The following FILIP1 variants were observed in gnomAD, a reference collection of about 807,000 sequenced individuals.
FILIP1 encodes filamin-A-interacting protein 1.
FILIP1 carries 61 observed loss-of-function variants against 102.1 expected under a neutral mutation model. The observed-to-expected ratio is 0.60, with a 90% CI of 0.49 to 0.74. The LOEUF (loss-of-function observed/expected upper bound fraction) is 0.74. FILIP1 is among the 30% of genes least tolerant of loss of function. FILIP1 has a pLI of 0.00. For synonymous variants in FILIP1, 491 were observed against 526.9 expected (o/e 0.93, Z 0.93); for missense variants, 1,314 against 1,441.2 (o/e 0.91, Z 1.43).
In FILIP1 at chr6:75,414,562, G is replaced by C; in HGVS notation, c.276+135C>G. 1.4e-5 allele frequency: 12 copies of C among 849,302 alleles called. No individual in the cohort carries two copies. The South Asian group carries it at 2.0e-4, about 14-fold the overall frequency. The allele number at this position is 849,302 out of a possible 1,614,324, so 52.6% of individuals were successfully genotyped here. ...TAGTGCAAACTTGTGCCAGGCACTA[G>C]GGATTTAGAAATAAGGGAAACATTC... On this transcript the variant is annotated intron_variant, in intron 2 of 5. Coordinates refer to ENST00000237172, the MANE Select transcript of FILIP1 (RefSeq NM_015687.5).
At chr6:75,433,777 G>A (rs1172144229) in intron 1 of FILIP1, among the ~76,000 whole-genome samples, 1 of 152,182 alleles carries the variant, frequency 6.6e-6, no homozygotes, top group Non-Finnish European at 1.5e-5. Flanking sequence ...CCTATGTCCT[G>A]AATGGTATTG....
At chr6:75,326,057 C>G (rs1169261247) in intron 4 of FILIP1, among the ~76,000 whole-genome samples, 1 of 150,358 alleles carries the variant, frequency 6.7e-6, no homozygotes, top group Non-Finnish European at 1.5e-5. Context: ...AGATAATAGA[C>G]AGATGATAGA....
chr6:75,361,241 T>A (rs1474097944), intron 3 of FILIP1, among the ~76,000 whole-genome samples: 2 of 152,190 alleles, frequency 1.3e-5, no homozygotes, highest in African/African-American at 4.8e-5. Flanking sequence ...AGGTCAGGCC[T>A]ACTTTCTAAA....
chr6:75,439,208 T>C (rs1778121935), intron 1 of FILIP1, among the ~76,000 whole-genome samples: 1 of 152,024 alleles, frequency 6.6e-6, no homozygotes, highest in Admixed American at 6.5e-5. Flanking sequence ...CTACTAAAAA[T>C]ACAAAAAATT....
At chr6:75,404,720 C>T (rs1036024160) in intron 2 of FILIP1, among the ~76,000 whole-genome samples, 1 of 152,112 alleles carries the variant, frequency 6.6e-6, no homozygotes, top group African/African-American at 2.4e-5. Flanking sequence ...ACCTCAACTG[C>T]CCGCCCCTCA....
chr6:75,357,021 A>G (rs944885285), intron 3 of FILIP1, among the ~76,000 whole-genome samples: 1 of 152,144 alleles, frequency 6.6e-6, no homozygotes, highest in Admixed American at 6.5e-5. Flanking sequence ...TTTGGAAACT[A>G]TTTGAAGATC....
intron 6 of FILIP1, among the ~76,000 whole-genome samples, chr6:75,296,187 TA>T (rs1772662526): frequency 6.6e-6 from 1 of 152,094 alleles, no homozygotes; most frequent in Non-Finnish European, 1.5e-5. Flanking sequence ...CTGACAATAG[TA>T]GATCAGTTTT....
chr6:75,351,128 GCGATCTTGGCT>G (rs1774786826), intron 4 of FILIP1, among the ~76,000 whole-genome samples: 2 of 151,982 alleles, frequency 1.3e-5, no homozygotes, highest in African/African-American at 4.8e-5. Flanking sequence ...GTGCAATGAC[GCGATCTTGGCT>G]CACTGCAACC....
At chr6:75,353,754 A>C in intron 3 of FILIP1, 37 bp from the exon 4 acceptor site, 1 of 1,599,802 alleles carries the variant, frequency 6.3e-7, no homozygotes, top group Non-Finnish European at 8.5e-7. Context: ...TTAATATTTT[A>C]TTGCATTTGC....
At chr6:75,375,566 C>T (rs1173725200) in intron 2 of FILIP1, among the ~76,000 whole-genome samples, 5 of 152,206 alleles carry the variant, frequency 3.3e-5, no homozygotes, top group African/African-American at 1.2e-4. Flanking sequence ...TTGGCATTCT[C>T]ACCAAGCGGG....
At chr6:75,296,020 T>TAA in intron 6 of FILIP1, 1 of 1,068,494 alleles carries the variant, frequency 9.4e-7, no homozygotes, top group Non-Finnish European at 1.3e-6. Context: ...ATCATTTCAC[T>TAA]AAAAGATCAT....
intron 3 of FILIP1, among the ~76,000 whole-genome samples, chr6:75,354,570 CAAAAA>C: frequency 1.0e-5 from 1 of 97,578 alleles, no homozygotes; most frequent in Non-Finnish European, 2.1e-5. Flanking sequence ...GACTCCATCT[CAAAAA>C]AAAAAAAAAA....
At chr6:75,403,782 A>G (rs190446044) in intron 2 of FILIP1, among the ~76,000 whole-genome samples, 8 of 152,332 alleles carry the variant, frequency 5.3e-5, no homozygotes, top group Admixed American at 3.9e-4. Flanking sequence ...TTAGACTTCT[A>G]TCTGATAAGG....
downstream of FILIP1, among the ~76,000 whole-genome samples, chr6:75,303,785 GGATA>G (rs373392306): frequency 0.014 from 2,139 of 151,746 alleles, 24 homozygotes; most frequent in African/African-American, 0.019. Flanking sequence ...GAGAGAGAGA[GGATA>G]GATAGATAGA....
chr6:75,405,353 A>G (rs1483063274), intron 2 of FILIP1, among the ~76,000 whole-genome samples: 3 of 152,188 alleles, frequency 2.0e-5, no homozygotes, highest in Non-Finnish European at 4.4e-5. Context: ...ACTAAGCTAA[A>G]GAAGGGGGAA....
chr6:75,342,206 C>T (rs1047055353), intron 4 of FILIP1, among the ~76,000 whole-genome samples: 3 of 152,228 alleles, frequency 2.0e-5, no homozygotes, highest in Non-Finnish European at 4.4e-5. Context: ...GAGGGTCTCA[C>T]ACCATGTAAC....
At chr6:75,410,603 A>T (rs989981923) in intron 2 of FILIP1, among the ~76,000 whole-genome samples, 1 of 151,738 alleles carries the variant, frequency 6.6e-6, no homozygotes. Context: ...CTGTGCCCAT[A>T]TGTTTTCATT....
At chr6:75,425,935 T>C (rs1447423765) in intron 1 of FILIP1, among the ~76,000 whole-genome samples, 2 of 152,192 alleles carry the variant, frequency 1.3e-5, no homozygotes, top group Admixed American at 1.3e-4. Context: ...TACTCTCAAC[T>C]GTGAGCATCT....
At chr6:75,465,553 G>T in intron 1 of FILIP1, 1 of 575,272 alleles carries the variant, frequency 1.7e-6, no homozygotes, top group Non-Finnish European at 3.0e-6. Flanking sequence ...GCTGCCTGAA[G>T]GACAGTTTCA....
Sources: allele counts gnomAD v4.1 joint callset (sites outside exome capture counted in the v4.1 genomes callset), GRCh38; gene constraint gnomAD v4.1.1; transcripts MANE v1.5; gene names NCBI Gene and HGNC (gene_info 2026-07-23, HGNC 2026-07-21).